NRG3: variants seen among roughly 807,000 people sequenced by gnomAD.
NRG3 encodes the protein pro-neuregulin-3, membrane-bound isoform.
Under a neutral mutation model 66.9 loss-of-function variants are expected in NRG3, and 31 were observed. The observed-to-expected ratio is 0.46, with a 90% CI of 0.35 to 0.63. The LOEUF is 0.63. Ranked by LOEUF, NRG3 falls within the 20% of genes least tolerant of loss-of-function variation. The probability of loss-of-function intolerance (pLI) is 0.00; values close to 1 mark genes in which losing one functional copy is unlikely to be tolerated. For synonymous variants in NRG3, 393 were observed against 359.4 expected (o/e 1.09, Z -1.06); for missense variants, 910 against 878.9 (o/e 1.04, Z -0.45).
chr10:82,975,982 T>C (rs1452650390), intron 7 of NRG3, among the ~76,000 whole-genome samples: 2 of 152,222 alleles, frequency 1.3e-5, no homozygotes, highest in East Asian at 3.8e-4. Flanking sequence ...CCCATCTGTT[T>C]AGAAAATAAA....
At chr10:82,882,531 G>C (rs986105581) in intron 4 of NRG3, among the ~76,000 whole-genome samples, 3 of 152,198 alleles carry the variant, frequency 2.0e-5, no homozygotes, top group African/African-American at 7.2e-5. Flanking sequence ...GGGAATGGAA[G>C]GCACTGTCCA....
chr10:82,269,560 G>A (rs773156592), intron 1 of NRG3, among the ~76,000 whole-genome samples: 34 of 152,018 alleles, frequency 2.2e-4, no homozygotes, highest in African/African-American at 4.1e-4. Context: ...AGAGTCAGCC[G>A]AAATGAAGAC....
intron 3 of NRG3, among the ~76,000 whole-genome samples, chr10:82,797,479 C>T (rs1159281130): frequency 1.3e-5 from 2 of 152,052 alleles, no homozygotes; most frequent in Non-Finnish European, 2.9e-5. Context: ...TTAAATCTAC[C>T]TCTCATATAC....
At chr10:82,496,284 A>G (rs189434637) in intron 2 of NRG3, among the ~76,000 whole-genome samples, 92 of 152,342 alleles carry the variant, frequency 6.0e-4, no homozygotes, top group African/African-American at 2.1e-3. Flanking sequence ...CACTGCCAGT[A>G]CAAGGCAAGG....
chr10:82,055,939 A>G (rs1181476499), intron 1 of NRG3, among the ~76,000 whole-genome samples: 1 of 152,202 alleles, frequency 6.6e-6, no homozygotes, highest in Non-Finnish European at 1.5e-5. Context: ...AATAAGAAGC[A>G]CAGGTCATTC....
chr10:82,293,798 C>G (rs149227228), intron 1 of NRG3, among the ~76,000 whole-genome samples: 5 of 152,102 alleles, frequency 3.3e-5, no homozygotes, highest in Non-Finnish European at 7.4e-5. Flanking sequence ...GCTTCAGCCT[C>G]TTAATATCTC....
At chr10:82,934,624 A>G (rs1248100147) in intron 4 of NRG3, among the ~76,000 whole-genome samples, 2 of 152,230 alleles carry the variant, frequency 1.3e-5, no homozygotes, top group Non-Finnish European at 2.9e-5. Flanking sequence ...ACTACAGAGT[A>G]GGAACCAAAT....
chr10:82,080,306 T>C (rs550645564), intron 1 of NRG3, among the ~76,000 whole-genome samples: 1 of 152,362 alleles, frequency 6.6e-6, no homozygotes, highest in South Asian at 2.1e-4. Flanking sequence ...CCCTGGGTTC[T>C]TGGTGCATAG....
intron 2 of NRG3, among the ~76,000 whole-genome samples, chr10:82,647,158 C>T (rs7086934): frequency 5.4e-4 from 82 of 152,082 alleles, no homozygotes; most frequent in African/African-American, 1.8e-3. Flanking sequence ...TCCCCACTCC[C>T]CCGACCCCAC....
At chr10:82,046,186 C>T (rs1328628586) in intron 1 of NRG3, among the ~76,000 whole-genome samples, 1 of 148,740 alleles carries the variant, frequency 6.7e-6, no homozygotes, top group Admixed American at 6.8e-5. Flanking sequence ...GATATTGATT[C>T]TTCTTACCCA....
chr10:82,808,424 C>T (rs1018124836), intron 3 of NRG3, among the ~76,000 whole-genome samples: 1 of 152,102 alleles, frequency 6.6e-6, no homozygotes, highest in African/African-American at 2.4e-5. Context: ...TTTACTATTA[C>T]AAATTACTTA....
chr10:82,317,431 ATTC>A (rs1296643140), intron 1 of NRG3, among the ~76,000 whole-genome samples: 2 of 152,182 alleles, frequency 1.3e-5, no homozygotes, highest in Admixed American at 6.5e-5. Flanking sequence ...ATAAATTAAT[ATTC>A]TTCTCTTTAG....
chr10:82,535,310 G>A (rs527859611), intron 2 of NRG3, among the ~76,000 whole-genome samples: 8 of 151,524 alleles, frequency 5.3e-5, no homozygotes, highest in African/African-American at 9.7e-5. Flanking sequence ...CTGTCATGTC[G>A]GAAATCTGTG....
intron 3 of NRG3, among the ~76,000 whole-genome samples, chr10:82,784,182 T>C (rs986173958): frequency 1.5e-4 from 23 of 152,052 alleles, no homozygotes; most frequent in African/African-American, 5.6e-4. Context: ...TGGATCCCTT[T>C]CTTACACCTT....
rs541113062 is a variant in NRG3, at chr10:82,255,591, A to T, written c.824-103148A>T. 3.6e-3 allele frequency among the ~76,000 whole-genome samples: 551 copies of T among 151,562 alleles called. 1 individual carries two copies. Among genetic ancestry groups the T allele is most frequent in the African/African-American group, 0.012 (483 of 41,350 alleles). On this transcript the variant is annotated intron_variant, in intron 1 of 8. Transcript: ENST00000372141. ...ATTTTTCTGTAAATCTTTTTTTTTT[A>T]AAAAACAAAAAACAAACAAACAAAC...
intron 1 of NRG3, among the ~76,000 whole-genome samples, chr10:82,000,013 A>G (rs1168547639): frequency 6.6e-6 from 1 of 152,198 alleles, no homozygotes; most frequent in Non-Finnish European, 1.5e-5. Flanking sequence ...TGCCTAACCC[A>G]GCAGTGAAAC....
chr10:82,363,036 AT>A (rs931555806), intron 2 of NRG3, among the ~76,000 whole-genome samples: 1 of 152,206 alleles, frequency 6.6e-6, no homozygotes, highest in Non-Finnish European at 1.5e-5. Flanking sequence ...TTGACACAGC[AT>A]TTTTTTATCT....
intron 3 of NRG3, among the ~76,000 whole-genome samples, chr10:82,794,640 G>T (rs1258076443): frequency 6.6e-6 from 1 of 152,112 alleles, no homozygotes; most frequent in East Asian, 1.9e-4. Flanking sequence ...CTAAGAGCTG[G>T]GCTTGGCTGC....
chr10:82,815,764 G>T (rs61858456), intron 3 of NRG3, among the ~76,000 whole-genome samples: 1,952 of 152,198 alleles, frequency 0.013, 23 homozygotes, highest in Non-Finnish European at 0.019. Context: ...ACTTCACCTG[G>T]CAGGCTGCAC....
Sources: gnomAD v4.1 joint callset for allele counts (sites outside exome capture counted in the v4.1 genomes callset) on GRCh38, gnomAD v4.1.1 for gene constraint, MANE v1.5 for transcripts, NCBI Gene and HGNC (gene_info 2026-07-23, HGNC 2026-07-21) for gene names.